Variants in BLK observed in about 807,000 individuals in gnomAD.
BLK encodes the protein BLK proto-oncogene, Src family tyrosine kinase.
In BLK, 64 loss-of-function variants were observed where a neutral mutation model predicts 61.8. The observed-to-expected ratio is 1.03, with a 90% CI of 0.85 to 1.27. BLK has a LOEUF of 1.27. Ranked by LOEUF, BLK falls within the 50% of genes most tolerant of loss-of-function variation. The probability of loss-of-function intolerance (pLI) is 0.00; values close to 1 mark genes in which losing one functional copy is unlikely to be tolerated. For missense variants in BLK, 853 were observed against 660.5 expected, an observed-to-expected ratio of 1.29 and a Z score of -3.19; for synonymous variants, 351 against 272.0, an observed-to-expected ratio of 1.29 and a Z score of -2.86.
intron 2 of BLK, among the ~76,000 whole-genome samples, 178 bp downstream of exon 2, chr8:11,543,525 C>T (rs1035241945): frequency 2.0e-5 from 3 of 152,130 alleles, no homozygotes; most frequent in African/African-American, 7.2e-5. Flanking sequence ...TGGTTAGCTC[C>T]CAATAATTCT....
Position 11,559,595 on chromosome 8 carries a change from T to C in BLK, c.1029+1557T>C, listed in dbSNP as rs545412183. ...CGGCCCTTCTGGGCTCTTCTTTTCTTACTCCATAGGAAGCCATGCAAAGTC... is the reference window on the plus strand; with the variant it reads ...CGGCCCTTCTGGGCTCTTCTTTTCTCACTCCATAGGAAGCCATGCAAAGTC... On this transcript the variant is annotated intron_variant, in intron 10 of 12. Coordinates refer to ENST00000259089, the MANE Select transcript of BLK (RefSeq NM_001715.3). Among the ~76,000 whole-genome samples the C allele has an allele frequency of 1.4e-4, 22 of 152,264 alleles. No individual in the cohort carries two copies. The South Asian group carries it at 4.6e-3, about 32-fold the overall frequency.
intron 2 of BLK, chr8:11,545,739 C>T: frequency 2.3e-6 from 1 of 432,436 alleles, no homozygotes; most frequent in Non-Finnish European, 4.3e-6. Flanking sequence ...GCAGTTTGAT[C>T]TTGTAATGGT....
chr8:11,525,704 G>A (rs913660761), intron 1 of BLK, among the ~76,000 whole-genome samples: 1 of 152,300 alleles, frequency 6.6e-6, no homozygotes, highest in Non-Finnish European at 1.5e-5. Context: ...CACCACTCAT[G>A]TGCCCTCCTC....
intron 1 of BLK, among the ~76,000 whole-genome samples, chr8:11,533,914 T>C (rs1026613949): frequency 6.6e-6 from 1 of 152,248 alleles, no homozygotes; most frequent in Non-Finnish European, 1.5e-5. Flanking sequence ...GCAGGCATTA[T>C]TTATGGGAGA....
intron 1 of BLK, among the ~76,000 whole-genome samples, chr8:11,496,291 G>A (rs1011381308): frequency 6.6e-6 from 1 of 152,160 alleles, no homozygotes; most frequent in Non-Finnish European, 1.5e-5. Context: ...AGGCTGGAGT[G>A]CAGTGGCAAG....
At chr8:11,517,502 C>G (rs1288889571) in intron 1 of BLK, among the ~76,000 whole-genome samples, 1 of 152,226 alleles carries the variant, frequency 6.6e-6, no homozygotes, top group Non-Finnish European at 1.5e-5. Flanking sequence ...TCCCAGCTGC[C>G]AAGCACGCCT....
At position 11,555,390 on chromosome 8, in the gene BLK, G is replaced by C. The variant is rs200893448; in HGVS notation, c.678G>C (p.Gln226His). ...TGCCCTGTGTGCGCCCGGCCCCGCA[G>C]AATCCCTGGGCCCAGGATGAATGGG... Reference protein sequence around the residue: ...LTLPCVRPAPQNPWAQDEWEI... With the variant: ...LTLPCVRPAPHNPWAQDEWEI... Residue 226 changes from glutamine to histidine, a missense_variant, in exon 8 of 13, where the codon CAG becomes CAC. Gln to His is a conservative substitution (Grantham distance 24, BLOSUM62 0). Coordinates refer to ENST00000259089, the MANE Select transcript of BLK (RefSeq NM_001715.3). The C allele has an allele frequency of 1.4e-4, 228 of 1,614,046 alleles. No individual in the cohort carries two copies. The highest frequency in any genetic ancestry group is 1.9e-4 in the Non-Finnish European group (219 of 1,180,038).
intron 2 of BLK, among the ~76,000 whole-genome samples, chr8:11,545,491 G>C (rs1800589705): frequency 6.6e-6 from 1 of 152,174 alleles, no homozygotes; most frequent in East Asian, 1.9e-4. Flanking sequence ...GGAGGTTGCA[G>C]TGATCCGAGA....
At chr8:11,513,831 C>G (rs1183092455) in intron 1 of BLK, among the ~76,000 whole-genome samples, 1 of 152,210 alleles carries the variant, frequency 6.6e-6, no homozygotes, top group Admixed American at 6.5e-5. Flanking sequence ...CCGCCGCGCA[C>G]TGCATGAGAA....
rs116754926 is a variant in BLK, at chr8:11,514,776, G to T, written c.-2+20185G>T. On this transcript the variant is annotated intron_variant, in intron 1 of 12. Transcript: ENST00000259089. ...CCATTCCAGCCCTGGCTGAGCATCA[G>T]AATGGGGGTGAGAGGTAAAAAATAC... 5.8e-3 allele frequency among the ~76,000 whole-genome samples: 885 copies of T among 152,314 alleles called. 9 individuals carry two copies. The highest frequency in any genetic ancestry group is 0.017 in the African/African-American group (696 of 41,562).
intron 2 of BLK, 178 bp from the exon 3 acceptor site, chr8:11,545,874 A>C (rs1800610854): frequency 1.4e-6 from 1 of 736,724 alleles, no homozygotes; most frequent in Admixed American, 1.8e-5. Flanking sequence ...GGTCTGTCTG[A>C]GGGTAGTGCT....
intron 9 of BLK, among the ~76,000 whole-genome samples, chr8:11,557,319 C>A (rs1189031064): frequency 6.6e-6 from 1 of 152,194 alleles, no homozygotes. Context: ...CACTTTCTCA[C>A]CCTCCTATGA....
chr8:11,544,009 C>G (rs1232723611), intron 2 of BLK, among the ~76,000 whole-genome samples: 1 of 150,496 alleles, frequency 6.6e-6, no homozygotes, highest in African/African-American at 2.4e-5. Context: ...GCTGCCCAGG[C>G]TGGAGTGCAG....
intron 5 of BLK, 38 bp from the exon 6 acceptor site, chr8:11,550,121 G>C (rs1563115102): frequency 2.6e-6 from 4 of 1,566,678 alleles, no homozygotes; most frequent in Non-Finnish European, 1.8e-6. Context: ...CGAGGAGCAG[G>C]GTCGCTCTGA....
chr8:11,524,032 G>T lies in BLK; in HGVS notation c.-1-19192G>T, dbSNP rs554916474. On this transcript the variant is annotated intron_variant, in intron 1 of 12. Transcript: ENST00000259089. ...ATGGAAACATAGCTTAAAAATATTG[G>T]ACAATTGAATATTTACCTTACAACA... 3.3e-5 allele frequency among the ~76,000 whole-genome samples: 5 copies of T among 152,064 alleles called. No individual in the cohort carries two copies. The South Asian group carries it at 1.0e-3, about 32-fold the overall frequency.
At chr8:11,561,163 A>C (rs1258414693) in intron 10 of BLK, 139 bp from the exon 11 acceptor site, 1 of 1,251,416 alleles carries the variant, frequency 8.0e-7, no homozygotes, top group Non-Finnish European at 1.1e-6. Context: ...CTGAGGAGCA[A>C]CACAGTCACC....
intron 1 of BLK, 146 bp from the exon 2 acceptor site, chr8:11,543,078 C>T: frequency 8.0e-7 from 1 of 1,248,156 alleles, no homozygotes; most frequent in Non-Finnish European, 1.1e-6. Flanking sequence ...CGCTTCTACC[C>T]ACGTTCTGAC....
At chr8:11,511,753 G>T (rs1190191012) in intron 1 of BLK, among the ~76,000 whole-genome samples, 2 of 152,162 alleles carry the variant, frequency 1.3e-5, no homozygotes, top group African/African-American at 2.4e-5. Flanking sequence ...CATTTTGGGC[G>T]TCTTAGATGT....
intron 1 of BLK, among the ~76,000 whole-genome samples, chr8:11,527,790 AT>A (rs1254616187): frequency 6.6e-6 from 1 of 151,480 alleles, no homozygotes; most frequent in Non-Finnish European, 1.5e-5. Context: ...AAAAAAAAAA[AT>A]CTCAAAAGAC....
Sources: gnomAD v4.1 joint callset for allele counts (sites outside exome capture counted in the v4.1 genomes callset) on GRCh38, gnomAD v4.1.1 for gene constraint, MANE v1.5 for transcripts, NCBI Gene and HGNC (gene_info 2026-07-23, HGNC 2026-07-21) for gene names.